COL4A2: variants seen among roughly 807,000 people sequenced by gnomAD.
The protein encoded by COL4A2 is collagen type IV alpha 2 chain.
In COL4A2, 99 loss-of-function variants were observed where a neutral mutation model predicts 200.2. That is an observed-to-expected ratio of 0.49 (90% CI 0.42 to 0.58). The LOEUF (loss-of-function observed/expected upper bound fraction) is 0.58, where lower values mean the gene tolerates loss of function less well. Among genes scored for constraint, COL4A2 ranks in the 20% least tolerant of loss-of-function variants. The pLI, the probability that COL4A2 is intolerant of heterozygous loss-of-function variation, is 0.00. For missense variants in COL4A2, 1,950 were observed against 2,314.1 expected (o/e 0.84, Z 3.23); for synonymous variants, 897 against 900.6 (o/e 1.00, Z 0.07).
At chr13:110,438,989 T>C (rs1185727747) in intron 15 of COL4A2, among the ~76,000 whole-genome samples, 1 of 152,174 alleles carries the variant, frequency 6.6e-6, no homozygotes, top group African/African-American at 2.4e-5. Flanking sequence ...TGTGTTCAGC[T>C]CAGTTAGTCT....
At chr13:110,443,611 G>T (rs1881217195) in intron 16 of COL4A2, among the ~76,000 whole-genome samples, 1 of 152,206 alleles carries the variant, frequency 6.6e-6, no homozygotes, top group African/African-American at 2.4e-5. Context: ...GAGAAAGGAG[G>T]TTGCAGTTTC....
intron 32 of COL4A2, 142 bp downstream of exon 32, chr13:110,482,801 T>C (rs1018559340): frequency 2.4e-6 from 2 of 826,948 alleles, no homozygotes; most frequent in African/African-American, 3.4e-5. Flanking sequence ...ACAAACAAAA[T>C]GAGCTAACAA....
chr13:110,316,835 C>T (rs1885141248), intron 3 of COL4A2, among the ~76,000 whole-genome samples: 1 of 151,974 alleles, frequency 6.6e-6, no homozygotes, highest in African/African-American at 2.4e-5. Flanking sequence ...GAATAAGCCC[C>T]AGCCACAGAA....
intron 15 of COL4A2, 32 bp downstream of exon 15, chr13:110,438,700 G>A (rs768281086): frequency 2.9e-5 from 47 of 1,613,880 alleles, no homozygotes; most frequent in Middle Eastern, 1.6e-4. Context: ...TGCAGTTGTC[G>A]GTTTGGTTTG....
chr13:110,438,059 C>G, intron 14 of COL4A2, 22 bp downstream of exon 14: 1 of 1,608,464 alleles, frequency 6.2e-7, no homozygotes, highest in Non-Finnish European at 8.5e-7. Flanking sequence ...AATGAGCATG[C>G]CCCCTCCCCT....
chr13:110,479,831 A>C (rs1882834420), intron 30 of COL4A2, among the ~76,000 whole-genome samples: 1 of 151,970 alleles, frequency 6.6e-6, no homozygotes, highest in African/African-American at 2.4e-5. Context: ...CCCGGGACTA[A>C]CTCCGGGCTG....
rs1594182997 is a variant in COL4A2 at position 110,385,066 on chromosome 13, C to A, written c.180+27514C>A. On this transcript the variant is annotated intron_variant, in intron 4 of 47. Coordinates refer to ENST00000360467, the MANE Select transcript of COL4A2 (RefSeq NM_001846.4). ...GATCACGAGGTCAGGAGATCGAGACCGTCTTGGCTAACACGGTAAAACACT... is the reference window on the plus strand; with the variant it reads ...GATCACGAGGTCAGGAGATCGAGACAGTCTTGGCTAACACGGTAAAACACT... Among the ~76,000 whole-genome samples the A allele has an allele frequency of 2.0e-5, 3 of 152,226 alleles. No individual in the cohort carries two copies. The South Asian group carries it at 6.2e-4, about 32-fold the overall frequency.
At chr13:110,458,368 AG>A (rs1881863692) in intron 21 of COL4A2, 1 of 323,124 alleles carries the variant, frequency 3.1e-6, no homozygotes, top group Non-Finnish European at 6.0e-6. Context: ...CTCTGAGGCC[AG>A]GGCTCTTGCC....
chr13:110,510,207 G>A (rs564341589), intron 47 of COL4A2, among the ~76,000 whole-genome samples: 9 of 152,346 alleles, frequency 5.9e-5, no homozygotes, highest in Non-Finnish European at 8.8e-5. Context: ...TCTTTTGTCC[G>A]TGAGGATGGG....
chr13:110,445,786 A>C (rs373045268), intron 16 of COL4A2, 43 bp from the exon 17 acceptor site: 155 of 1,611,400 alleles, frequency 9.6e-5, no homozygotes, highest in Middle Eastern at 6.6e-4. Flanking sequence ...TTTTGGAGTT[A>C]TACATCAGAG....
At chr13:110,330,628 A>G (rs1038391607) in intron 3 of COL4A2, among the ~76,000 whole-genome samples, 1 of 151,974 alleles carries the variant, frequency 6.6e-6, no homozygotes, top group Non-Finnish European at 1.5e-5. Flanking sequence ...ATGTCTGTCT[A>G]CCTCTCCTCT....
At chr13:110,400,790 C>A (rs956829844) in intron 4 of COL4A2, among the ~76,000 whole-genome samples, 1 of 152,162 alleles carries the variant, frequency 6.6e-6, no homozygotes, top group South Asian at 2.1e-4. Flanking sequence ...TTCCTGCCCA[C>A]GTACACATAT....
At chr13:110,460,804 T>A (rs1217564829) in intron 22 of COL4A2, among the ~76,000 whole-genome samples, 4 of 152,220 alleles carry the variant, frequency 2.6e-5, no homozygotes, top group Non-Finnish European at 5.9e-5. Flanking sequence ...AGTGGGTCAA[T>A]AAGCCCATCC....
chr13:110,338,568 G>C (rs1454024953), intron 3 of COL4A2, among the ~76,000 whole-genome samples: 1 of 152,180 alleles, frequency 6.6e-6, no homozygotes, highest in African/African-American at 2.4e-5. Flanking sequence ...TGAAAACAAC[G>C]GGCCTCTGCC....
Position 110,478,112 on chromosome 13 carries a change from A to G in COL4A2, c.2535A>G (p.Gly845=), listed in dbSNP as rs1200169027. 2 of 1,601,592 alleles carry G rather than the reference A, an allele frequency of 1.2e-6. No homozygotes were observed. The highest frequency in any genetic ancestry group is 1.7e-6 in the Non-Finnish European group (2 of 1,172,870). ...CTCCAGGACTGCATGGATTCCCAGG[A>G]GCTCCTGGCCAAGAGGGGCCCTTGG... is the stretch of plus-strand genomic sequence containing the variant. The part of the protein sequence containing the change: ...YGPPGLHGFP[G]APGQEGPLGL... Residue 845 remains glycine (G), a synonymous_variant, in exon 30 of 48, where the codon GGA becomes GGG. Transcript: ENST00000360467.
At chr13:110,461,639 G>A (rs1307727625) in intron 22 of COL4A2, among the ~76,000 whole-genome samples, 1 of 152,126 alleles carries the variant, frequency 6.6e-6, no homozygotes, top group African/African-American at 2.4e-5. Flanking sequence ...TCCTGCCTCA[G>A]CCTCCCGAGT....
intron 4 of COL4A2, among the ~76,000 whole-genome samples, chr13:110,410,286 G>T (rs1879780152): frequency 6.6e-6 from 1 of 152,204 alleles, no homozygotes; most frequent in African/African-American, 2.4e-5. Context: ...GTTAGCCCAG[G>T]TTGTTCTCTA....
intron 4 of COL4A2, among the ~76,000 whole-genome samples, chr13:110,367,623 A>G (rs1594172954): frequency 1.3e-5 from 2 of 152,384 alleles, no homozygotes; most frequent in South Asian, 2.1e-4. Context: ...CATTGCACCC[A>G]TGCTTCGCAT....
chr13:110,501,129 TAGTG>T (rs1487802262), intron 40 of COL4A2, among the ~76,000 whole-genome samples: 1 of 152,176 alleles, frequency 6.6e-6, no homozygotes, highest in Non-Finnish European at 1.5e-5. Flanking sequence ...AAGTGAGTTT[TAGTG>T]AGTGGACAAA....
Sources: allele counts gnomAD v4.1 joint callset (sites outside exome capture counted in the v4.1 genomes callset), GRCh38; gene constraint gnomAD v4.1.1; transcripts MANE v1.5; gene names NCBI Gene and HGNC (gene_info 2026-07-23, HGNC 2026-07-21).